Variants in PBX3 observed in about 807,000 individuals in gnomAD.
The protein encoded by PBX3 is pre-B-cell leukemia transcription factor 3.
In PBX3, 14 loss-of-function variants were observed where a neutral mutation model predicts 48.5. The observed-to-expected ratio is 0.29, with a 90% CI of 0.19 to 0.45. The LOEUF (loss-of-function observed/expected upper bound fraction) is 0.45. Ranked by LOEUF, PBX3 falls within the 20% of genes least tolerant of loss-of-function variation. The probability of loss-of-function intolerance (pLI) is 1.00; values close to 1 mark genes in which losing one functional copy is unlikely to be tolerated. For synonymous variants in PBX3, 210 were observed against 200.3 expected, an observed-to-expected ratio of 1.05 and a Z score of -0.41; for missense variants, 386 against 546.7, an observed-to-expected ratio of 0.71 and a Z score of 2.93.
Position 125,765,205 on chromosome 9 carries a change from A to G in PBX3, c.274+16582A>G, listed in dbSNP as rs576983105. On this transcript the variant is annotated intron_variant, in intron 2 of 8. Coordinates refer to ENST00000373489, the MANE Select transcript of PBX3 (RefSeq NM_006195.6). ...CACTTTGTTGCCCAGGCTGGAGTGC[A>G]GTGGTACAGTCATGGCTCACTGCAA... Among the ~76,000 whole-genome samples, 10 of 150,696 alleles carry G rather than the reference A, an allele frequency of 6.6e-5. No homozygotes were observed. The South Asian group carries it at 2.1e-3, about 32-fold the overall frequency.
At chr9:125,772,084 A>G (rs1836954958) in intron 2 of PBX3, among the ~76,000 whole-genome samples, 1 of 152,218 alleles carries the variant, frequency 6.6e-6, no homozygotes. Context: ...GTACTGCCTA[A>G]TTCAAAGTGA....
intron 2 of PBX3, among the ~76,000 whole-genome samples, chr9:125,837,387 A>G (rs1839168687): frequency 6.7e-6 from 1 of 149,630 alleles, no homozygotes; most frequent in African/African-American, 2.4e-5. Context: ...CATGTGTATA[A>G]ATATATATAA....
intron 2 of PBX3, among the ~76,000 whole-genome samples, chr9:125,785,444 C>T (rs144806218): frequency 1.1e-3 from 166 of 152,306 alleles, no homozygotes; most frequent in Middle Eastern, 3.4e-3. Context: ...GCTTCCTGTC[C>T]TTGGACATCA....
intron 5 of PBX3, among the ~76,000 whole-genome samples, chr9:125,938,362 G>A (rs1841883626): frequency 6.6e-6 from 1 of 152,202 alleles, no homozygotes; most frequent in Admixed American, 6.5e-5. Context: ...ATTCAGTAAA[G>A]ATGGGATCAG....
chr9:125,788,085 A>G (rs1161449519), intron 2 of PBX3, among the ~76,000 whole-genome samples: 1 of 152,246 alleles, frequency 6.6e-6, no homozygotes, highest in African/African-American at 2.4e-5. Context: ...TGTGACAATT[A>G]TTAATATTAG....
intron 4 of PBX3, among the ~76,000 whole-genome samples, chr9:125,931,750 C>A (rs1279016023): frequency 6.6e-6 from 1 of 152,002 alleles, no homozygotes; most frequent in African/African-American, 2.4e-5. Context: ...ACAAATATAC[C>A]ATAACATTCT....
rs902073150 is a variant in PBX3 at position 125,966,999 on chromosome 9, A to C, written c.*1076A>C. The C allele has an allele frequency of 2.6e-5, 4 of 152,330 alleles. No homozygotes were observed. The highest frequency in any genetic ancestry group is 5.9e-5 in the Non-Finnish European group (4 of 67,968). The allele number at this position is 152,330 out of a possible 1,614,324, so 9.4% of individuals were successfully genotyped here. On this transcript the variant is annotated 3_prime_UTR_variant, in exon 9 of 9. Transcript: ENST00000373489. ...CTTTTAAAAAACCGAGTGTGGAAAC[A>C]TTGGGTCTTAATTCAACACAGGATC...
At position 125,965,832 on chromosome 9, in the gene PBX3, C is replaced by T; in HGVS notation, c.1214C>T (p.Ala405Val). The T allele has an allele frequency of 1.2e-6, 2 of 1,612,770 alleles. No individual in the cohort carries two copies. The highest frequency in any genetic ancestry group is 1.7e-6 in the Non-Finnish European group (2 of 1,178,728). The change falls in exon 9 of 9, where the codon GCT becomes GTT. Residue 405 changes from alanine (A) to valine (V), a missense_variant and splice_region_variant. By Grantham distance (64) the Ala-to-Val change is moderately conservative (BLOSUM62 0). Transcript: ENST00000373489. ...NSLYSPHNLNANGGWQDATTP... is the reference protein window; with the variant it reads ...NSLYSPHNLNVNGGWQDATTP... Reference sequence around the variant, plus strand: ...GTTGAACTGTGTTTCTCCTTTCAGGCTAATGGAGGCTGGCAGGACGCAACA... The same window carrying T: ...GTTGAACTGTGTTTCTCCTTTCAGGTTAATGGAGGCTGGCAGGACGCAACA...
At chr9:125,897,112 A>G (rs1318711701) in intron 2 of PBX3, among the ~76,000 whole-genome samples, 1 of 138,208 alleles carries the variant, frequency 7.2e-6, no homozygotes, top group African/African-American at 2.7e-5. Flanking sequence ...TGTCAAAGCC[A>G]TTTCATGTGG....
At chr9:125,915,193 A>G (rs1841297708) in intron 2 of PBX3, among the ~76,000 whole-genome samples, 1 of 152,100 alleles carries the variant, frequency 6.6e-6, no homozygotes, top group Non-Finnish European at 1.5e-5. Flanking sequence ...TTATTTTTCA[A>G]TTTTTGATTA....
intron 8 of PBX3, among the ~76,000 whole-genome samples, chr9:125,963,452 G>A (rs1274669076): frequency 6.6e-6 from 1 of 152,164 alleles, no homozygotes; most frequent in Non-Finnish European, 1.5e-5. Flanking sequence ...CAGAACTCAG[G>A]TGAAGGTGGT....
intron 2 of PBX3, among the ~76,000 whole-genome samples, chr9:125,760,085 A>G (rs535618064): frequency 2.0e-5 from 3 of 152,104 alleles, no homozygotes; most frequent in African/African-American, 7.2e-5. Flanking sequence ...TTCCATTCCA[A>G]CCTATCTGAG....
intron 2 of PBX3, among the ~76,000 whole-genome samples, chr9:125,783,837 A>C (rs1182674818): frequency 6.6e-6 from 1 of 151,902 alleles, no homozygotes; most frequent in Non-Finnish European, 1.5e-5. Flanking sequence ...CTTCTCTAAT[A>C]AAAATACAAG....
At chr9:125,783,692 C>T (rs945183560) in intron 2 of PBX3, among the ~76,000 whole-genome samples, 4 of 152,126 alleles carry the variant, frequency 2.6e-5, no homozygotes, top group Non-Finnish European at 5.9e-5. Flanking sequence ...TTTAGCTCTT[C>T]AAGCATATTC....
intron 2 of PBX3, among the ~76,000 whole-genome samples, chr9:125,787,634 G>A (rs1051538746): frequency 2.6e-5 from 4 of 152,172 alleles, no homozygotes; most frequent in African/African-American, 9.7e-5. Context: ...TCTGTTGCAA[G>A]AATAGTTAAG....
rs906353954 is a variant in PBX3, at chr9:125,759,353, T to C, written c.274+10730T>C. Among the ~76,000 whole-genome samples the C allele has an allele frequency of 2.0e-5, 3 of 152,172 alleles. No homozygotes were observed. Among genetic ancestry groups the C allele is most frequent in the African/African-American group, 2.4e-5 (1 of 41,432 alleles). On this transcript the variant is annotated intron_variant, in intron 2 of 8. Coordinates refer to ENST00000373489, the MANE Select transcript of PBX3 (RefSeq NM_006195.6). This position sits in a 1 kb window ranked among gnomAD's most constrained non-coding sequence, Gnocchi z 4.2. Reference sequence around the variant, plus strand: ...TAGTGATAGTGCTGCAGTGACTAGATAGAGCAGAGGAGAATGGCTTCCTCC... The same window carrying C: ...TAGTGATAGTGCTGCAGTGACTAGACAGAGCAGAGGAGAATGGCTTCCTCC...
rs148318316 is a variant in PBX3, at chr9:125,915,338, A to G, written c.275-348A>G. On this transcript the variant is annotated intron_variant, in intron 2 of 8. Coordinates refer to ENST00000373489, the MANE Select transcript of PBX3 (RefSeq NM_006195.6). ...TTTTCTTTCTTTCTTAAAACATTCA[A>G]TTTTTTACCCTCTTCCCATTTTATG... 2.4e-3 allele frequency among the ~76,000 whole-genome samples: 365 copies of G among 152,058 alleles called. 3 individuals carry two copies. Among genetic ancestry groups the G allele is most frequent in the African/African-American group, 8.5e-3 (354 of 41,468 alleles).
At chr9:125,805,762 T>C (rs1838107967) in intron 2 of PBX3, among the ~76,000 whole-genome samples, 1 of 152,094 alleles carries the variant, frequency 6.6e-6, no homozygotes, top group African/African-American at 2.4e-5. Context: ...AATAATAGGT[T>C]TTGGGGTGGG....
chr9:125,784,994 C>G (rs1308875195), intron 2 of PBX3, among the ~76,000 whole-genome samples: 1 of 152,218 alleles, frequency 6.6e-6, no homozygotes, highest in African/African-American at 2.4e-5. Context: ...TCTCCCTTCG[C>G]TAGCCTTTTC....
Sources: allele counts gnomAD v4.1 joint callset (sites outside exome capture counted in the v4.1 genomes callset), GRCh38; gene constraint gnomAD v4.1.1; non-coding constraint Gnocchi (gnomAD v3.1); transcripts MANE v1.5; gene names NCBI Gene and HGNC (gene_info 2026-07-23, HGNC 2026-07-21).